The following RARB variants were observed in gnomAD, a reference collection of about 807,000 sequenced individuals.
RARB encodes the protein retinoic acid receptor beta.
RARB carries 17 observed loss-of-function variants against 51.9 expected under a neutral mutation model. The observed-to-expected ratio is 0.33, with a 90% CI of 0.22 to 0.49. The LOEUF is 0.49. Ranked by LOEUF, RARB falls within the 20% of genes least tolerant of loss-of-function variation. The pLI is 0.99. For missense variants in RARB, 369 were observed against 550.8 expected, an observed-to-expected ratio of 0.67 and a Z score of 3.30; for synonymous variants, 215 against 195.4, an observed-to-expected ratio of 1.10 and a Z score of -0.84.
intron 3 of RARB, among the ~76,000 whole-genome samples, chr3:25,118,154 G>A (rs952860403): frequency 1.3e-5 from 2 of 152,150 alleles, no homozygotes; most frequent in South Asian, 2.1e-4. Context: ...TTCTAGAGAG[G>A]ACACTGTATA....
At chr3:25,330,154 A>T (rs1704848645) in intron 5 of RARB, among the ~76,000 whole-genome samples, 1 of 152,136 alleles carries the variant, frequency 6.6e-6, no homozygotes, top group African/African-American at 2.4e-5. Context: ...CAATTCAGGA[A>T]ATACAGAGAA....
At chr3:25,406,506 C>T (rs1292156907) in intron 5 of RARB, among the ~76,000 whole-genome samples, 1 of 152,228 alleles carries the variant, frequency 6.6e-6, no homozygotes, top group Non-Finnish European at 1.5e-5. Context: ...CTTGTCCTCA[C>T]ATGATTGAAC....
At chr3:25,541,780 C>T (rs547502802) in intron 3 of RARB, among the ~76,000 whole-genome samples, 37 of 152,210 alleles carry the variant, frequency 2.4e-4, no homozygotes, top group African/African-American at 8.7e-4. Flanking sequence ...TCCTCTTTAC[C>T]TTCGAATTTG....
chr3:25,113,922 C>G (rs1452425847), intron 3 of RARB, among the ~76,000 whole-genome samples: 4 of 152,122 alleles, frequency 2.6e-5, no homozygotes, highest in Non-Finnish European at 4.4e-5. Context: ...TAGTAAATGT[C>G]TGCCCTGTTC....
At chr3:25,042,804 A>G (rs568151949) in intron 2 of RARB, among the ~76,000 whole-genome samples, 1 of 152,318 alleles carries the variant, frequency 6.6e-6, no homozygotes, top group East Asian at 1.9e-4. Context: ...TTTAAGTTGA[A>G]CTTATCCTTC....
intron 2 of RARB, among the ~76,000 whole-genome samples, chr3:25,045,247 G>A (rs1332890968): frequency 6.6e-6 from 1 of 152,166 alleles, no homozygotes; most frequent in Admixed American, 6.5e-5. Flanking sequence ...AGGAGAGACC[G>A]AAATGTTGTG....
intron 5 of RARB, among the ~76,000 whole-genome samples, chr3:25,381,679 A>G (rs998592572): frequency 6.6e-5 from 10 of 152,198 alleles, no homozygotes; most frequent in Non-Finnish European, 1.3e-4. Context: ...AAAAGGTCCT[A>G]AAGCCACAAT....
chr3:25,422,411 G>A (rs1707886049), intron 5 of RARB, among the ~76,000 whole-genome samples: 1 of 152,166 alleles, frequency 6.6e-6, no homozygotes, highest in Admixed American at 6.6e-5. Context: ...TCACAGGCAA[G>A]CTGCAGCATG....
chr3:25,549,910 C>G (rs1047725465), intron 3 of RARB, among the ~76,000 whole-genome samples: 4 of 151,984 alleles, frequency 2.6e-5, no homozygotes, highest in African/African-American at 9.7e-5. Context: ...CCAGCTGTCT[C>G]TCTCTCTCTC....
intron 1 of RARB, 43 bp downstream of exon 1, chr3:25,428,931 TTG>T (rs1301244747): frequency 6.5e-7 from 1 of 1,547,068 alleles, no homozygotes; most frequent in East Asian, 2.3e-5. Flanking sequence ...AAAAAAAAAA[TTG>T]TCTCTCTTGC....
intron 2 of RARB, among the ~76,000 whole-genome samples, chr3:25,031,048 A>G (rs1453596238): frequency 2.0e-5 from 3 of 152,080 alleles, no homozygotes; most frequent in Non-Finnish European, 2.9e-5. Flanking sequence ...CACTACTGAC[A>G]TTTGGGGCAT....
chr3:24,915,211 G>C (rs1695079464), intron 2 of RARB, among the ~76,000 whole-genome samples: 1 of 152,098 alleles, frequency 6.6e-6, no homozygotes, highest in Admixed American at 6.5e-5. Flanking sequence ...AAATGCTATA[G>C]ACCCATGCTG....
intron 5 of RARB, among the ~76,000 whole-genome samples, chr3:25,279,284 C>A (rs79970434): frequency 0.016 from 2,502 of 152,258 alleles, 58 homozygotes; most frequent in African/African-American, 0.053. Flanking sequence ...GGTGCATGGC[C>A]ACTTCCCCCA....
chr3:25,099,612 ATTT>A (rs1480308993), intron 3 of RARB, among the ~76,000 whole-genome samples: 1 of 44,424 alleles, frequency 2.3e-5, no homozygotes, highest in Non-Finnish European at 3.9e-5. Flanking sequence ...TATTTTCAGG[ATTT>A]AAAAAAAAAA....
At chr3:25,378,577 G>C (rs1045735549) in intron 5 of RARB, among the ~76,000 whole-genome samples, 2 of 152,190 alleles carry the variant, frequency 1.3e-5, no homozygotes, top group African/African-American at 4.8e-5. Flanking sequence ...ACATTCCTCT[G>C]TATGTTCTCT....
intron 5 of RARB, among the ~76,000 whole-genome samples, chr3:25,396,616 G>A (rs78339709): frequency 0.072 from 11,027 of 152,098 alleles, 455 homozygotes; most frequent in African/African-American, 0.12. Context: ...TATATCCTTC[G>A]TCTTCAGCTA....
chr3:25,342,369 T>G (rs1179893878), intron 5 of RARB, among the ~76,000 whole-genome samples: 4 of 152,220 alleles, frequency 2.6e-5, no homozygotes, highest in African/African-American at 9.6e-5. Flanking sequence ...TCAAAAAATC[T>G]CTGGGAGTTG....
At chr3:25,071,723 G>T (rs1404473329) in intron 3 of RARB, among the ~76,000 whole-genome samples, 1 of 152,180 alleles carries the variant, frequency 6.6e-6, no homozygotes, top group African/African-American at 2.4e-5. Context: ...ATACTTGGAG[G>T]AGAAATTCCG....
chr3:25,374,918 T>C (rs907032006), intron 5 of RARB, among the ~76,000 whole-genome samples: 5 of 152,224 alleles, frequency 3.3e-5, no homozygotes, highest in Admixed American at 3.3e-4. Flanking sequence ...CAGAGAAGAC[T>C]CTAAGATTAT....
Sources: gnomAD v4.1 joint callset for allele counts (sites outside exome capture counted in the v4.1 genomes callset) on GRCh38, gnomAD v4.1.1 for gene constraint, MANE v1.5 for transcripts, NCBI Gene and HGNC (gene_info 2026-07-23, HGNC 2026-07-21) for gene names.